The following TRAK1 variants were observed in gnomAD, a reference collection of about 807,000 sequenced individuals.
The protein encoded by TRAK1 is trafficking kinesin protein 1.
Under a neutral mutation model 92.1 loss-of-function variants are expected in TRAK1, and 33 were observed. The ratio of observed to expected loss-of-function variants is 0.36; its 90% CI spans 0.27 to 0.48. The LOEUF is 0.48. Ranked by LOEUF, TRAK1 falls within the 20% of genes least tolerant of loss-of-function variation. TRAK1 has a pLI of 0.99. For missense variants in TRAK1, 1,123 were observed against 1,257.9 expected, an observed-to-expected ratio of 0.89 and a Z score of 1.62; for synonymous variants, 521 against 517.3, an observed-to-expected ratio of 1.01 and a Z score of -0.10.
rs369637350 is a variant in TRAK1, at chr3:42,223,132, G to A, written c.2257G>A (p.Val753Met). 79 of 1,613,902 alleles carry A rather than the reference G, an allele frequency of 4.9e-5. No individual in the cohort carries two copies. The African/African-American group carries it at 5.7e-4, about 12-fold the overall frequency. Residue 753 changes from valine to methionine, a missense_variant, in exon 16 of 16, where the codon GTG becomes ATG. This residue lies in a region of TRAK1 where 401 missense variants were observed against 438.9 expected (regional missense o/e 0.91). Coordinates refer to ENST00000327628, the MANE Select transcript of TRAK1 (RefSeq NM_001042646.3). The surrounding 1 kb of genome is among the most constrained non-coding windows in gnomAD (Gnocchi z 6.1). ...LLKERGISAAVYDPQSWDRAG... is the reference protein window; with the variant it reads ...LLKERGISAAMYDPQSWDRAG... The stretch of plus-strand genomic sequence containing the variant: ...GAAGGAGCGGGGCATTTCTGCTGCC[G>A]TGTACGACCCCCAGAGCTGGGACAG...
At chr3:42,110,293 G>A in intron 1 of TRAK1, among the ~76,000 whole-genome samples, 1 of 151,576 alleles carries the variant, frequency 6.6e-6, no homozygotes, top group South Asian at 2.1e-4. Flanking sequence ...AGAGGGAAAG[G>A]CTGTGGGGTG....
chr3:42,101,710 T>C (rs927143039), intron 1 of TRAK1, among the ~76,000 whole-genome samples: 1 of 152,222 alleles, frequency 6.6e-6, no homozygotes, highest in Admixed American at 6.5e-5. Context: ...GAAACACTTT[T>C]CTTTATGAAA....
At chr3:42,172,171 G>T (rs189833135) in intron 2 of TRAK1, among the ~76,000 whole-genome samples, 8 of 152,300 alleles carry the variant, frequency 5.3e-5, no homozygotes, top group African/African-American at 1.9e-4. Context: ...TCCTAGGAGG[G>T]TGTTTCTGTC....
rs1374875679 is a variant in TRAK1 at position 42,199,349 on chromosome 3, A to G, written c.1190+96A>G. ...AGCAATGTTGAGGCTCTGGGTACCG[A>G]CAGTGATTGACTATTGTCCTTCCCA... On this transcript the variant is annotated intron_variant, in intron 11 of 15. Coordinates refer to ENST00000327628, the MANE Select transcript of TRAK1 (RefSeq NM_001042646.3). The G allele has an allele frequency of 4.3e-6, 5 of 1,167,162 alleles. No individual in the cohort carries two copies. In the East Asian group the frequency reaches 1.3e-4, roughly 29 times the overall value. 72.3% of individuals were successfully genotyped at this position (1,167,162 alleles called of 1,614,324 possible).
intron 1 of TRAK1, chr3:42,051,336 C>T (rs1702973458): frequency 6.6e-6 from 1 of 152,280 alleles, no homozygotes. Context: ...TTTCACCATT[C>T]TAGCCAGAGA....
At chr3:42,040,943 T>C (rs978796959) in intron 1 of TRAK1, among the ~76,000 whole-genome samples, 2 of 152,200 alleles carry the variant, frequency 1.3e-5, no homozygotes, top group African/African-American at 4.8e-5. Context: ...CCTCTCAAAG[T>C]GCTGGATTAG....
intron 10 of TRAK1, 147 bp downstream of exon 10, chr3:42,195,088 G>T: frequency 1.0e-6 from 1 of 988,248 alleles, no homozygotes; most frequent in Non-Finnish European, 1.4e-6. Context: ...AAGGACACTT[G>T]AATCTGACTG....
At chr3:42,141,139 T>G (rs1310178468) in intron 2 of TRAK1, among the ~76,000 whole-genome samples, 3 of 152,220 alleles carry the variant, frequency 2.0e-5, no homozygotes, top group Non-Finnish European at 4.4e-5. Context: ...ATTCATCTTT[T>G]TAATATATTA....
At chr3:42,131,299 C>T (rs1191362379) in intron 2 of TRAK1, among the ~76,000 whole-genome samples, 1 of 152,174 alleles carries the variant, frequency 6.6e-6, no homozygotes, top group Admixed American at 6.5e-5. Flanking sequence ...GCCTCACTTG[C>T]CCCCAGAGTT....
chr3:42,167,100 C>T (rs1377892351), intron 2 of TRAK1, among the ~76,000 whole-genome samples: 1 of 152,212 alleles, frequency 6.6e-6, no homozygotes, highest in African/African-American at 2.4e-5. Context: ...AAGTAAGAGG[C>T]GCTGGCTTAT....
At chr3:42,019,406 G>A (rs1006452733) in intron 1 of TRAK1, among the ~76,000 whole-genome samples, 8 of 152,142 alleles carry the variant, frequency 5.3e-5, no homozygotes, top group Non-Finnish European at 5.9e-5. Flanking sequence ...TTCCTGAGTA[G>A]CATGCGTGCT....
intron 2 of TRAK1, among the ~76,000 whole-genome samples, chr3:42,171,866 CATTT>C (rs1382688992): frequency 6.6e-6 from 1 of 152,126 alleles, no homozygotes; most frequent in Non-Finnish European, 1.5e-5. Flanking sequence ...TGGGTGCCAA[CATTT>C]ATTCTTAAAA....
At chr3:42,184,347 G>A (rs1307099076) in intron 3 of TRAK1, among the ~76,000 whole-genome samples, 1 of 152,236 alleles carries the variant, frequency 6.6e-6, no homozygotes, top group East Asian at 1.9e-4. Flanking sequence ...GCCCTCAGGT[G>A]GAGAGACAGG....
At chr3:42,119,767 C>CA (rs2149112833) in intron 1 of TRAK1, among the ~76,000 whole-genome samples, 1 of 152,258 alleles carries the variant, frequency 6.6e-6, no homozygotes, top group Admixed American at 6.5e-5. Context: ...CTGGGAAACA[C>CA]AGTTTTTAGC....
At chr3:42,031,329 G>T (rs926921053) in intron 1 of TRAK1, among the ~76,000 whole-genome samples, 17 of 151,750 alleles carry the variant, frequency 1.1e-4, no homozygotes, top group African/African-American at 4.1e-4. Flanking sequence ...GAGCCACCGT[G>T]CCTGGCCTTG....
intron 1 of TRAK1, among the ~76,000 whole-genome samples, chr3:42,067,607 T>C (rs949331906): frequency 7.2e-5 from 11 of 152,026 alleles, no homozygotes; most frequent in African/African-American, 2.7e-4. Flanking sequence ...TTTTTTTTTT[T>C]CAGGCTTTGT....
chr3:42,197,114 G>T (rs182904671), intron 10 of TRAK1, among the ~76,000 whole-genome samples: 1 of 151,752 alleles, frequency 6.6e-6, no homozygotes, highest in Non-Finnish European at 1.5e-5. Context: ...TTCCAGGAAG[G>T]AGTCCACAGA....
chr3:42,160,122 G>A (rs1486690489), intron 2 of TRAK1: 7 of 329,336 alleles, frequency 2.1e-5, no homozygotes, highest in South Asian at 1.7e-4. Flanking sequence ...ACCCCACCCC[G>A]CCCCTCCTCC....
At chr3:42,221,666 C>T (rs1005820207) in intron 15 of TRAK1, among the ~76,000 whole-genome samples, 5 of 152,312 alleles carry the variant, frequency 3.3e-5, no homozygotes, top group African/African-American at 1.2e-4. Context: ...CTCCAAGGCA[C>T]ACTGGCAGCC....
Sources: gnomAD v4.1 joint callset for allele counts (sites outside exome capture counted in the v4.1 genomes callset) on GRCh38, gnomAD v4.1.1 for gene constraint, gnomAD v4.1.1 regional missense constraint, Gnocchi (gnomAD v3.1) non-coding constraint, MANE v1.5 for transcripts, NCBI Gene and HGNC (gene_info 2026-07-23, HGNC 2026-07-21) for gene names.